The following GSE1 variants were observed in gnomAD, a reference collection of about 807,000 sequenced individuals.
GSE1 encodes the protein Gse1 coiled-coil protein, also known as genetic suppressor element 1.
A neutral mutation model predicts 112.6 loss-of-function variants in GSE1; 32 were observed. The ratio of observed to expected loss-of-function variants is 0.28; its 90% CI spans 0.21 to 0.38. The LOEUF (loss-of-function observed/expected upper bound fraction) is 0.38. Ranked by LOEUF, GSE1 falls within the 10% of genes least tolerant of loss-of-function variation. The pLI is 1.00. For synonymous variants in GSE1, 1,115 were observed against 735.6 expected (o/e 1.52, Z -8.35); for missense variants, 2,348 against 1,699.2 (o/e 1.38, Z -6.71).
At chr16:85,626,219 C>G (rs991669022) in intron 1 of GSE1, among the ~76,000 whole-genome samples, 2 of 152,192 alleles carry the variant, frequency 1.3e-5, no homozygotes, top group African/African-American at 4.8e-5. Flanking sequence ...TCCCCGCCCC[C>G]TCCCTTGCCT....
chr16:85,590,677 T>G lies in GSE1; in HGVS notation c.37+34314T>G, dbSNP rs538794077. ...TGATTGAGCATGTGTGATATGTGAA[T>G]GTGTTTGAGACAGCGTGTGCGTGTG... is the stretch of plus-strand genomic sequence containing the variant. On this transcript the variant is annotated intron_variant, in intron 1 of 2. Coordinates refer to the GSE1 transcript ENST00000635906. 2.0e-5 allele frequency among the ~76,000 whole-genome samples: 3 copies of G among 152,224 alleles called. No individual in the cohort carries two copies. In the South Asian group the frequency reaches 6.2e-4, roughly 32 times the overall value.
chr16:85,454,977 G>GT (rs1425127175), intron 2 of GSE1, among the ~76,000 whole-genome samples: 1 of 152,208 alleles, frequency 6.6e-6, no homozygotes, highest in Non-Finnish European at 1.5e-5. Flanking sequence ...CTGGAGAGCC[G>GT]TAACTCAACC....
chr16:85,180,873 C>G (rs1363245179), intron 1 of GSE1, among the ~76,000 whole-genome samples: 1 of 152,238 alleles, frequency 6.6e-6, no homozygotes, highest in Non-Finnish European at 1.5e-5. Context: ...AAAGCTTCCT[C>G]TTCTGGAATT....
intron 1 of GSE1, among the ~76,000 whole-genome samples, chr16:85,564,802 T>G (rs962129270): frequency 6.6e-6 from 1 of 152,204 alleles, no homozygotes; most frequent in Non-Finnish European, 1.5e-5. Flanking sequence ...CTGTCAAATC[T>G]GTTCCCTGCT....
At chr16:85,466,685 A>G (rs2050131013) in intron 2 of GSE1, among the ~76,000 whole-genome samples, 1 of 147,954 alleles carries the variant, frequency 6.8e-6, no homozygotes, top group South Asian at 2.2e-4. Context: ...TAAAAAAAAA[A>G]AGAAATATAT....
At chr16:85,386,912 G>T (rs1390499016) in intron 2 of GSE1, among the ~76,000 whole-genome samples, 2 of 152,184 alleles carry the variant, frequency 1.3e-5, no homozygotes, top group Non-Finnish European at 2.9e-5. Flanking sequence ...GCTGGCTTTG[G>T]CTGGGTGGAC....
chr16:85,306,949 G>A (rs1161461478), intron 1 of GSE1, among the ~76,000 whole-genome samples: 2 of 152,242 alleles, frequency 1.3e-5, no homozygotes, highest in East Asian at 1.9e-4. Context: ...AAGCTCTGCT[G>A]TGACACATCC....
At chr16:85,187,647 CG>C (rs1212938201) in intron 1 of GSE1, among the ~76,000 whole-genome samples, 2 of 152,142 alleles carry the variant, frequency 1.3e-5, no homozygotes, top group Admixed American at 1.3e-4. Flanking sequence ...TAAGGGTGTG[CG>C]GACATCAGGC....
chr16:85,577,175 C>A (rs1598254224), intron 1 of GSE1, among the ~76,000 whole-genome samples: 1 of 152,174 alleles, frequency 6.6e-6, no homozygotes, highest in Non-Finnish European at 1.5e-5. Context: ...GGGCACCCGG[C>A]CAGGGGCAGA....
At chr16:85,509,579 G>A (rs1260207893) in intron 2 of GSE1, among the ~76,000 whole-genome samples, 1 of 152,248 alleles carries the variant, frequency 6.6e-6, no homozygotes, top group African/African-American at 2.4e-5. Flanking sequence ...GGTGCTTTGC[G>A]GGTGCCTGAT....
chr16:85,592,100 A>G (rs2047026746), intron 1 of GSE1, among the ~76,000 whole-genome samples: 1 of 151,832 alleles, frequency 6.6e-6, no homozygotes, highest in Non-Finnish European at 1.5e-5. Flanking sequence ...GCTCCGTGTG[A>G]GGAGGAGCTT....
Position 85,281,772 on chromosome 16 carries a change from G to A in GSE1, c.2284-75691G>A, listed in dbSNP as rs542317378. On this transcript the variant is annotated intron_variant, in intron 1 of 2. Coordinates refer to the GSE1 transcript ENST00000637419. ...CAGTGATGGGGTGGGAGGATGGAGAGCATGTGCACGGGGTTAGTGTTGCTT... is the reference window on the plus strand; with the variant it reads ...CAGTGATGGGGTGGGAGGATGGAGAACATGTGCACGGGGTTAGTGTTGCTT... Among the ~76,000 whole-genome samples, 6 of 152,280 alleles carry A rather than the reference G, an allele frequency of 3.9e-5. No homozygotes were observed. In the South Asian group the frequency reaches 1.2e-3, roughly 32 times the overall value.
intron 1 of GSE1, among the ~76,000 whole-genome samples, chr16:85,627,928 C>T (rs1031903514): frequency 6.6e-6 from 1 of 152,214 alleles, no homozygotes; most frequent in Non-Finnish European, 1.5e-5. Context: ...CCAGAGAACA[C>T]CTGCACGGGA....
chr16:85,431,616 C>T (rs1053077347), intron 2 of GSE1, among the ~76,000 whole-genome samples: 1 of 152,160 alleles, frequency 6.6e-6, no homozygotes, highest in African/African-American at 2.4e-5. Context: ...TGCCCGTGCT[C>T]CCCGAGACAC....
intron 1 of GSE1, among the ~76,000 whole-genome samples, chr16:85,286,648 G>C (rs947294765): frequency 1.3e-5 from 2 of 152,310 alleles, no homozygotes; most frequent in Admixed American, 1.3e-4. Context: ...ATTATTTGGC[G>C]CTGCGGTTTA....
At chr16:85,655,065 G>T (rs552685922) in intron 5 of GSE1, 74 bp downstream of exon 5, 1 of 996,200 alleles carries the variant, frequency 1.0e-6, no homozygotes, top group Admixed American at 2.0e-5. Context: ...GGCGGGGAAG[G>T]TGTTTCTTAT....
At chr16:85,381,817 C>T (rs1312079669) in intron 2 of GSE1, among the ~76,000 whole-genome samples, 2 of 152,320 alleles carry the variant, frequency 1.3e-5, no homozygotes, top group East Asian at 3.9e-4. Flanking sequence ...GAGGCCGGTG[C>T]ATCTGTTCAC....
At chr16:85,370,325 C>T (rs760341914) in intron 2 of GSE1, among the ~76,000 whole-genome samples, 25 of 152,108 alleles carry the variant, frequency 1.6e-4, no homozygotes, top group East Asian at 1.2e-3. Context: ...GTGCACTGGG[C>T]GTCCCTCTGC....
At chr16:85,380,183 G>A (rs1373796401) in intron 2 of GSE1, among the ~76,000 whole-genome samples, 1 of 152,194 alleles carries the variant, frequency 6.6e-6, no homozygotes, top group African/African-American at 2.4e-5. Context: ...GGGCGGGCAG[G>A]GCTCTTATAC....
Sources: gnomAD v4.1 joint callset for allele counts (sites outside exome capture counted in the v4.1 genomes callset) on GRCh38, gnomAD v4.1.1 for gene constraint, MANE v1.5 for transcripts, NCBI Gene and HGNC (gene_info 2026-07-23, HGNC 2026-07-21) for gene names.